Variants in TMTC1 observed in about 807,000 individuals in gnomAD.
TMTC1 encodes protein O-mannosyl-transferase TMTC1.
Under a neutral mutation model 104.8 loss-of-function variants are expected in TMTC1, and 73 were observed. That is an observed-to-expected ratio of 0.70 (90% CI 0.58 to 0.85). The LOEUF (loss-of-function observed/expected upper bound fraction) is 0.85, where lower values mean the gene tolerates loss of function less well. Ranked by LOEUF, TMTC1 falls within the 40% of genes least tolerant of loss-of-function variation. The pLI is 0.00. For synonymous variants in TMTC1, 434 were observed against 428.7 expected (o/e 1.01, Z -0.15); for missense variants, 1,035 against 1,096.1 (o/e 0.94, Z 0.79).
intron 5 of TMTC1, among the ~76,000 whole-genome samples, chr12:29,740,851 G>T (rs1486124517): frequency 6.6e-6 from 1 of 152,152 alleles, no homozygotes; most frequent in Non-Finnish European, 1.5e-5. Context: ...TGAAGCCCCA[G>T]AGAGGCAAAA....
chr12:29,710,984 T>TAC (rs1446660837), intron 5 of TMTC1, among the ~76,000 whole-genome samples: 7 of 55,456 alleles, frequency 1.3e-4, no homozygotes, highest in African/African-American at 3.1e-4. Flanking sequence ...TAAATATATA[T>TAC]ATATTTTTTC....
At chr12:29,577,153 C>CT (rs1945847395) in intron 8 of TMTC1, among the ~76,000 whole-genome samples, 1 of 151,834 alleles carries the variant, frequency 6.6e-6, no homozygotes, top group South Asian at 2.1e-4. Flanking sequence ...AATTTTTTTT[C>CT]TTTTTTAGCA....
chr12:29,725,978 C>G (rs1942378323), intron 5 of TMTC1, among the ~76,000 whole-genome samples: 1 of 152,238 alleles, frequency 6.6e-6, no homozygotes, highest in Non-Finnish European at 1.5e-5. Flanking sequence ...ATTCCGGCTT[C>G]TCCTAACTGT....
intron 6 of TMTC1, among the ~76,000 whole-genome samples, chr12:29,607,517 C>T (rs1946734552): frequency 6.6e-6 from 1 of 152,086 alleles, no homozygotes; most frequent in Non-Finnish European, 1.5e-5. Flanking sequence ...CACAGCTAGG[C>T]ACATTCTTGG....
In TMTC1 at chr12:29,504,595, A is replaced by T. The variant is rs552933812; in HGVS notation, c.*2251T>A. ...AGTGAGAGAAAAAGAGAGGAAGGAA[A>T]AGGGAAAAGGGGTAGGGAAGGATGG... On this transcript the variant is annotated 3_prime_UTR_variant, in exon 18 of 18. Coordinates refer to ENST00000539277, the MANE Select transcript of TMTC1 (RefSeq NM_001193451.2). 2 of 152,234 alleles carry T rather than the reference A, an allele frequency of 1.3e-5. No homozygotes were observed. Among genetic ancestry groups the T allele is most frequent in the East Asian group, 3.9e-4 (2 of 5,182 alleles). The allele number at this position is 152,234 out of a possible 1,614,324, so 9.4% of individuals were successfully genotyped here. A position where few individuals can be genotyped will look rare whatever the true frequency, so the allele number is the denominator to read the frequency against.
chr12:29,709,776 C>G (rs904979188), intron 5 of TMTC1, among the ~76,000 whole-genome samples: 4 of 152,118 alleles, frequency 2.6e-5, no homozygotes, highest in Non-Finnish European at 5.9e-5. Flanking sequence ...TGTTTAATGC[C>G]TTTATATTTA....
intron 10 of TMTC1, among the ~76,000 whole-genome samples, chr12:29,546,483 C>G (rs890148776): frequency 6.6e-6 from 1 of 152,114 alleles, no homozygotes; most frequent in Non-Finnish European, 1.5e-5. Flanking sequence ...CTGGGACAGA[C>G]CCTGCAGGCC....
intron 5 of TMTC1, among the ~76,000 whole-genome samples, chr12:29,679,877 A>G (rs757224490): frequency 1.4e-4 from 22 of 152,294 alleles, no homozygotes; most frequent in Admixed American, 2.0e-4. Flanking sequence ...AATAAAAGAA[A>G]AAAACATGAA....
chr12:29,781,123 T>TCACACTAGAAGATGCAGTTTC (rs71045839), intron 1 of TMTC1, among the ~76,000 whole-genome samples: 3 of 152,100 alleles, frequency 2.0e-5, no homozygotes, highest in Non-Finnish European at 2.9e-5. Context: ...CTTCATGCTA[T>TCACACTAGAAGATGCAGTTTC]ACCTCAGGTG....
intron 7 of TMTC1, among the ~76,000 whole-genome samples, chr12:29,592,496 G>A (rs1379741682): frequency 2.0e-5 from 3 of 152,156 alleles, no homozygotes; most frequent in African/African-American, 7.2e-5. Flanking sequence ...TTGTTTTCCA[G>A]CATGTCTACG....
chr12:29,642,383 T>C (rs374586644), intron 5 of TMTC1, among the ~76,000 whole-genome samples: 10 of 152,134 alleles, frequency 6.6e-5, no homozygotes, highest in Admixed American at 6.5e-4. Flanking sequence ...ATCAAATTAA[T>C]AGCAGATTTC....
intron 6 of TMTC1, among the ~76,000 whole-genome samples, chr12:29,612,697 G>A (rs556368932): frequency 6.6e-6 from 1 of 152,320 alleles, no homozygotes; most frequent in Non-Finnish European, 1.5e-5. Context: ...TTACAGGCAT[G>A]AGCCACTGTA....
intron 6 of TMTC1, among the ~76,000 whole-genome samples, chr12:29,614,931 C>G (rs534824715): frequency 1.3e-5 from 2 of 152,202 alleles, no homozygotes; most frequent in Non-Finnish European, 2.9e-5. Context: ...AAATCTGTAA[C>G]AGGCAGAAAA....
At chr12:29,517,195 T>C (rs1311726541) in intron 14 of TMTC1, among the ~76,000 whole-genome samples, 1 of 152,178 alleles carries the variant, frequency 6.6e-6, no homozygotes, top group Admixed American at 6.5e-5. Flanking sequence ...TATATGTAAA[T>C]TTTTTACTAT....
chr12:29,599,993 C>CATATATATATATATAT lies in TMTC1; in HGVS notation c.1250+4169_1250+4184dup, dbSNP rs71444331. ...ATGTGTGTGTGTGTGTGTGTATATA[C>CATATATATATATATAT]ATATATATATATATATTTTTTTTTT... On this transcript the variant is annotated intron_variant, in intron 7 of 17. Transcript: ENST00000539277. 1.1e-3 allele frequency among the ~76,000 whole-genome samples: 91 copies of CATATATATATATATAT among 81,808 alleles called. 2 individuals are homozygous for CATATATATATATATAT. Among genetic ancestry groups the CATATATATATATATAT allele is most frequent in the African/African-American group, 5.6e-3 (84 of 15,098 alleles). The allele number at this position is 81,808 out of a possible 152,430, so 53.7% of individuals were successfully genotyped here. A position where few individuals can be genotyped will look rare whatever the true frequency, so the allele number is the denominator to read the frequency against.
chr12:29,620,620 C>G (rs1341682734), intron 6 of TMTC1, among the ~76,000 whole-genome samples: 3 of 152,184 alleles, frequency 2.0e-5, no homozygotes, highest in Non-Finnish European at 4.4e-5. Context: ...TAATGAGGTA[C>G]AGATCCAACT....
intron 7 of TMTC1, among the ~76,000 whole-genome samples, chr12:29,590,333 A>T (rs762348394): frequency 5.3e-5 from 8 of 152,226 alleles, no homozygotes; most frequent in Non-Finnish European, 1.0e-4. Context: ...ACAAGTGGCT[A>T]TAAAGTATCC....
intron 10 of TMTC1, among the ~76,000 whole-genome samples, chr12:29,545,676 C>CACACACACACACACACACA (rs1555167547): frequency 1.5e-5 from 2 of 137,850 alleles, no homozygotes; most frequent in African/African-American, 5.6e-5. Context: ...CACACACACA[C>CACACACACACACACACACA]GGATAGAAAC....
At chr12:29,722,390 G>A (rs544023402) in intron 5 of TMTC1, among the ~76,000 whole-genome samples, 1 of 152,132 alleles carries the variant, frequency 6.6e-6, no homozygotes, top group African/African-American at 2.4e-5. Context: ...GTTAAAAGCC[G>A]TACTCTGTGA....
Sources: gnomAD v4.1 joint callset for allele counts (sites outside exome capture counted in the v4.1 genomes callset) on GRCh38, gnomAD v4.1.1 for gene constraint, MANE v1.5 for transcripts, NCBI Gene and HGNC (gene_info 2026-07-23, HGNC 2026-07-21) for gene names.